Variants in FAM78B observed in about 807,000 individuals in gnomAD.
FAM78B encodes family with sequence similarity 78 member B.
FAM78B carries 10 observed loss-of-function variants against 20.0 expected under a neutral mutation model. That is an observed-to-expected ratio of 0.50 (90% CI 0.31 to 0.85). FAM78B has a LOEUF of 0.85. Ranked by LOEUF, FAM78B falls within the 40% of genes least tolerant of loss-of-function variation. The pLI is 0.05. For synonymous variants in FAM78B, 135 were observed against 132.8 expected, an observed-to-expected ratio of 1.02 and a Z score of -0.12; for missense variants, 283 against 345.0, an observed-to-expected ratio of 0.82 and a Z score of 1.42.
At chr1:166,074,226 C>T (rs184967059) in intron 1 of FAM78B, among the ~76,000 whole-genome samples, 1 of 152,290 alleles carries the variant, frequency 6.6e-6, no homozygotes, top group African/African-American at 2.4e-5. Flanking sequence ...CATCTGGCCT[C>T]CCCATCTCCA....
At position 166,070,210 on chromosome 1, in the gene FAM78B, G is replaced by T; in HGVS notation, c.*31C>A. The T allele has an allele frequency of 6.7e-7, 1 of 1,497,550 alleles. No homozygotes were observed. The highest frequency in any genetic ancestry group is 8.9e-7 in the Non-Finnish European group (1 of 1,121,748). 92.8% of individuals were successfully genotyped at this position (1,497,550 alleles called of 1,614,324 possible). On this transcript the variant is annotated 3_prime_UTR_variant, in exon 2 of 2. Transcript: ENST00000354422. ...CCCTCACTGCATGTCTCAGAGGCGT[G>T]TGATCCACACACAGTCAGGCCAGTC...
chr1:166,129,243 C>T (rs1316708762), intron 1 of FAM78B, among the ~76,000 whole-genome samples: 7 of 152,232 alleles, frequency 4.6e-5, no homozygotes, highest in African/African-American at 1.4e-4. Flanking sequence ...GAAAAAGCAG[C>T]ATATGGCATG....
At chr1:166,115,270 C>T (rs539899452) in intron 1 of FAM78B, among the ~76,000 whole-genome samples, 1 of 152,334 alleles carries the variant, frequency 6.6e-6, no homozygotes, top group South Asian at 2.1e-4. Context: ...CTTTTTAAGA[C>T]AGAAGGCAGA....
At position 166,088,309 on chromosome 1, in the gene FAM78B, T is replaced by A. The variant is rs1652917349; in HGVS notation, c.264-17546A>T. ...ACGCTGCATGGGAACTGCTGTGGAT[T>A]CAAAAGGAACACCAGTGTCATCCCT... On this transcript the variant is annotated intron_variant, in intron 1 of 1. Transcript: ENST00000354422. 2.0e-5 allele frequency among the ~76,000 whole-genome samples: 3 copies of A among 152,132 alleles called. No homozygotes were observed. The South Asian group carries it at 6.2e-4, about 32-fold the overall frequency.
chr1:166,101,642 A>T (rs532495199), intron 1 of FAM78B, among the ~76,000 whole-genome samples: 2 of 152,342 alleles, frequency 1.3e-5, no homozygotes, highest in East Asian at 3.9e-4. Context: ...AAATGAAGTG[A>T]GAAGGAAGTT....
intron 1 of FAM78B, among the ~76,000 whole-genome samples, chr1:166,137,738 T>C (rs568215099): frequency 2.0e-5 from 3 of 152,228 alleles, no homozygotes; most frequent in Admixed American, 1.3e-4. Context: ...TATTAGTAAA[T>C]AGATGTGGAA....
At chr1:166,154,644 G>T in intron 1 of FAM78B, 1 of 491,072 alleles carries the variant, frequency 2.0e-6, no homozygotes, top group Non-Finnish European at 4.2e-6. Flanking sequence ...CTGGGGGGCA[G>T]GGGCAGGCAG....
In FAM78B at chr1:166,092,545, C is replaced by T. The variant is rs556058742; in HGVS notation, c.264-21782G>A. ...TATTCTATGCCTACTGGTCTTTAAG[C>T]CTCAAGCTTCCTTAAGCCTGATCTT... On this transcript the variant is annotated intron_variant, in intron 1 of 1. Transcript: ENST00000354422. Among the ~76,000 whole-genome samples, 11 of 152,342 alleles carry T rather than the reference C, an allele frequency of 7.2e-5. No individual in the cohort carries two copies. In the South Asian group the frequency reaches 2.3e-3, roughly 32 times the overall value.
intron 1 of FAM78B, chr1:166,148,054 A>C (rs1484422163): frequency 1.3e-5 from 2 of 152,184 alleles, no homozygotes; most frequent in African/African-American, 2.4e-5. Flanking sequence ...TCTTCCTGTT[A>C]ATCTAACACT....
Position 166,110,142 on chromosome 1 carries a change from A to T in FAM78B, c.264-39379T>A, listed in dbSNP as rs564861116. Among the ~76,000 whole-genome samples, 38 of 151,394 alleles carry T rather than the reference A, an allele frequency of 2.5e-4. No individual in the cohort carries two copies. In the South Asian group the frequency reaches 8.0e-3, roughly 32 times the overall value. On this transcript the variant is annotated intron_variant, in intron 1 of 1. Coordinates refer to ENST00000354422, the MANE Select transcript of FAM78B (RefSeq NM_001017961.5). The stretch of plus-strand genomic sequence containing the variant: ...GGGGAAGTAGAGGAGAGAGGGATAG[A>T]AGACTATAAATATGGTGCAGTGAAT...
At chr1:166,160,493 G>C (rs1288063167) in intron 1 of FAM78B, among the ~76,000 whole-genome samples, 1 of 152,152 alleles carries the variant, frequency 6.6e-6, no homozygotes, top group Non-Finnish European at 1.5e-5. Flanking sequence ...AGTGACAGAA[G>C]TAAGCCCTGT....
intron 1 of FAM78B, among the ~76,000 whole-genome samples, chr1:166,129,332 T>C (rs566349742): frequency 9.5e-4 from 144 of 152,378 alleles, no homozygotes; most frequent in African/African-American, 3.4e-3. Context: ...AAAAAGTGCT[T>C]TGCACAGGAA....
chr1:166,071,516 T>G (rs1652031245), intron 1 of FAM78B, among the ~76,000 whole-genome samples: 1 of 152,210 alleles, frequency 6.6e-6, no homozygotes, highest in Admixed American at 6.5e-5. Flanking sequence ...TCTCTGACCT[T>G]GTACAGGAGG....
At chr1:166,132,464 G>A (rs1400150985) in intron 1 of FAM78B, among the ~76,000 whole-genome samples, 1 of 152,118 alleles carries the variant, frequency 6.6e-6, no homozygotes, top group Non-Finnish European at 1.5e-5. Flanking sequence ...TAATTGTTGA[G>A]GATTAAGTGA....
intron 2 of FAM78B, among the ~76,000 whole-genome samples, chr1:166,063,752 G>C (rs1219961463): frequency 1.3e-5 from 2 of 152,158 alleles, no homozygotes; most frequent in Admixed American, 1.3e-4. Context: ...CCCCAGTAAG[G>C]TCCATGTGGC....
intron 1 of FAM78B, among the ~76,000 whole-genome samples, chr1:166,111,232 A>G (rs551434534): frequency 1.3e-5 from 2 of 152,336 alleles, no homozygotes; most frequent in South Asian, 4.1e-4. Context: ...TGCCTTCTGC[A>G]TCAAGGACAC....
intron 2 of FAM78B, chr1:166,060,730 C>T (rs1571120150): frequency 1.9e-6 from 2 of 1,027,068 alleles, no homozygotes; most frequent in East Asian, 1.2e-4. Context: ...AAATGTCATT[C>T]CCTAAAAGCA....
Position 166,158,302 on chromosome 1 carries a change from G to A in FAM78B, c.263+7684C>T, listed in dbSNP as rs190747963. On this transcript the variant is annotated intron_variant, in intron 1 of 1. Coordinates refer to ENST00000354422, the MANE Select transcript of FAM78B (RefSeq NM_001017961.5). ...ATTGTGCCACTGCACTCCAGCCTGG[G>A]TAACAGAGCAAGACTTATCTCAAAT... Among the ~76,000 whole-genome samples, 18 of 152,226 alleles carry A rather than the reference G, an allele frequency of 1.2e-4. No homozygotes were observed. In the East Asian group the frequency reaches 3.3e-3, roughly 28 times the overall value.
intron 1 of FAM78B, among the ~76,000 whole-genome samples, chr1:166,124,786 G>C (rs776797084): frequency 4.6e-5 from 7 of 152,216 alleles, no homozygotes; most frequent in Admixed American, 6.5e-5. Flanking sequence ...AGGAGGAAGA[G>C]AGAAGTAGAA....
Sources: gnomAD v4.1 joint callset for allele counts (sites outside exome capture counted in the v4.1 genomes callset) on GRCh38, gnomAD v4.1.1 for gene constraint, MANE v1.5 for transcripts, NCBI Gene and HGNC (gene_info 2026-07-23, HGNC 2026-07-21) for gene names.